Variants in DUSP16 observed in about 807,000 individuals in gnomAD.
DUSP16 encodes the protein dual specificity protein phosphatase 16.
In DUSP16, 21 loss-of-function variants were observed where a neutral mutation model predicts 58.3. The ratio of observed to expected loss-of-function variants is 0.36; its 90% confidence interval spans 0.26 to 0.52. The LOEUF (loss-of-function observed/expected upper bound fraction) is 0.52, where lower values mean the gene tolerates loss of function less well. DUSP16 is among the 20% of genes least tolerant of loss of function. The pLI, the probability that DUSP16 is intolerant of heterozygous loss-of-function variation, is 0.94. For missense variants in DUSP16, 726 were observed against 819.0 expected, an observed-to-expected ratio of 0.89 and a Z score of 1.39; for synonymous variants, 320 against 323.8, an observed-to-expected ratio of 0.99 and a Z score of 0.12.
chr12:12,498,079 G>A (rs1346013449), intron 4 of DUSP16, among the ~76,000 whole-genome samples: 1 of 152,150 alleles, frequency 6.6e-6, no homozygotes. Context: ...GAACTGTACT[G>A]TTAGGGAAGA....
chr12:12,552,363 T>C (rs923983496), intron 1 of DUSP16, among the ~76,000 whole-genome samples: 1 of 151,976 alleles, frequency 6.6e-6, no homozygotes, highest in Non-Finnish European at 1.5e-5. Context: ...GGAGAATCAC[T>C]TGAACCCGGG....
intron 1 of DUSP16, chr12:12,561,252 G>T (rs916246725): frequency 6.6e-6 from 1 of 152,190 alleles, no homozygotes; most frequent in African/African-American, 2.4e-5. Context: ...GGTTAGAGGT[G>T]TGCTTTCTCC....
intron 1 of DUSP16, among the ~76,000 whole-genome samples, chr12:12,541,500 G>C (rs76901717): frequency 1.3e-5 from 2 of 152,152 alleles, no homozygotes; most frequent in African/African-American, 4.8e-5. Flanking sequence ...TATCTTATTG[G>C]AAGGCCCAGT....
At chr12:12,541,542 T>C (rs540166208) in intron 1 of DUSP16, among the ~76,000 whole-genome samples, 2 of 152,034 alleles carry the variant, frequency 1.3e-5, no homozygotes, top group African/African-American at 4.8e-5. Context: ...TTCTCAGGAG[T>C]TGGTCAATCT....
intron 1 of DUSP16, among the ~76,000 whole-genome samples, chr12:12,525,731 T>TATACAC (rs1555167608): frequency 8.2e-5 from 12 of 146,080 alleles, no homozygotes; most frequent in Non-Finnish European, 1.5e-4. Context: ...AATATATGTA[T>TATACAC]ACACACACAC....
intron 1 of DUSP16, among the ~76,000 whole-genome samples, chr12:12,532,934 G>A (rs1481518177): frequency 2.1e-5 from 3 of 142,484 alleles, no homozygotes; most frequent in Non-Finnish European, 4.5e-5. Flanking sequence ...GGGGACGAGA[G>A]CGAAACTCTG....
chr12:12,533,982 T>C lies in DUSP16; in HGVS notation c.-365-12519A>G, dbSNP rs568496687. ...CTGACTTATCATTAAGCAGTCATAT[T>C]ATGGTGTGAGAGTTTATACCCTACA... On this transcript the variant is annotated intron_variant, in intron 1 of 6. Transcript: ENST00000298573. 3.3e-5 allele frequency among the ~76,000 whole-genome samples: 5 copies of C among 152,346 alleles called. No homozygotes were observed. In the South Asian group the frequency reaches 1.0e-3, roughly 32 times the overall value.
At chr12:12,555,365 T>C (rs1253193930) in intron 1 of DUSP16, among the ~76,000 whole-genome samples, 2 of 152,176 alleles carry the variant, frequency 1.3e-5, no homozygotes, top group African/African-American at 4.8e-5. Flanking sequence ...AAGCTAGAGA[T>C]ATAATGGAAC....
At chr12:12,495,865 T>TA (rs1211179757) in intron 4 of DUSP16, among the ~76,000 whole-genome samples, 2 of 152,252 alleles carry the variant, frequency 1.3e-5, no homozygotes, top group African/African-American at 2.4e-5. Flanking sequence ...CTGTATCTAC[T>TA]ACTCACCCTA....
In DUSP16 at chr12:12,473,304, A is replaced by C. The variant is rs551298620; in HGVS notation, c.*3529T>G. Among the ~76,000 whole-genome samples the C allele has an allele frequency of 2.6e-5, 4 of 152,154 alleles. No homozygotes were observed. The highest frequency in any genetic ancestry group is 3.9e-4 in the East Asian group (2 of 5,162). On this transcript the variant is annotated 3_prime_UTR_variant, in exon 7 of 7. Transcript: ENST00000298573. ...TTAGTTTAATTCCTGGTCTAATTGT[A>C]GTTGTCACATCCAAACCAGTCCTCC...
At position 12,473,826 on chromosome 12, in the gene DUSP16, C is replaced by G. The variant is rs1053986026; in HGVS notation, c.*3007G>C. 1.1e-4 allele frequency among the ~76,000 whole-genome samples: 16 copies of G among 152,208 alleles called. No individual in the cohort carries two copies. Among genetic ancestry groups the G allele is most frequent in the Non-Finnish European group, 1.8e-4 (12 of 68,028 alleles). On this transcript the variant is annotated 3_prime_UTR_variant, in exon 7 of 7. Coordinates refer to ENST00000298573, the MANE Select transcript of DUSP16 (RefSeq NM_030640.3). ...GGACAGCTCTTCAACAATTGCCCTT[C>G]CTGTTTTTCCTGTAGGAATCGTAAC...
chr12:12,489,269 A>C (rs1221290576), intron 4 of DUSP16, among the ~76,000 whole-genome samples: 1 of 152,212 alleles, frequency 6.6e-6, no homozygotes, highest in Non-Finnish European at 1.5e-5. Flanking sequence ...TTAGGTTAAC[A>C]ATCAGGCTAC....
At chr12:12,556,748 C>A (rs1367055091) in intron 1 of DUSP16, among the ~76,000 whole-genome samples, 1 of 152,172 alleles carries the variant, frequency 6.6e-6, no homozygotes, top group East Asian at 1.9e-4. Flanking sequence ...ACAAACCTGG[C>A]AGTCCAATAA....
chr12:12,532,645 G>A (rs574755253), intron 1 of DUSP16, among the ~76,000 whole-genome samples: 1 of 149,566 alleles, frequency 6.7e-6, no homozygotes, highest in African/African-American at 2.5e-5. Flanking sequence ...AGTTTGGGTG[G>A]GCAAAGGTTA....
chr12:12,551,692 T>C (rs929037281), intron 1 of DUSP16, among the ~76,000 whole-genome samples: 175 of 64,678 alleles, frequency 2.7e-3, no homozygotes, highest in African/African-American at 6.2e-3. Context: ...TTAGTAAACC[T>C]TTTTTTTTTT....
chr12:12,524,478 G>C lies in DUSP16; in HGVS notation c.-365-3015C>G, dbSNP rs546767395. ...CCTTAATCTCTTTCATTTACAGTTA[G>C]AGAATTTTGGTTAAATCTCCATCAC... On this transcript the variant is annotated intron_variant, in intron 1 of 6. Coordinates refer to ENST00000298573, the MANE Select transcript of DUSP16 (RefSeq NM_030640.3). Among the ~76,000 whole-genome samples, 8 of 152,348 alleles carry C rather than the reference G, an allele frequency of 5.3e-5. No homozygotes were observed. The East Asian group carries it at 1.5e-3, about 29-fold the overall frequency.
intron 1 of DUSP16, among the ~76,000 whole-genome samples, chr12:12,557,087 G>C (rs1214656125): frequency 6.6e-6 from 1 of 152,000 alleles, no homozygotes; most frequent in African/African-American, 2.4e-5. Context: ...TAATCTCATT[G>C]TAAAAAAACA....
At chr12:12,525,556 A>C (rs1435006777) in intron 1 of DUSP16, among the ~76,000 whole-genome samples, 2 of 151,932 alleles carry the variant, frequency 1.3e-5, no homozygotes, top group Non-Finnish European at 2.9e-5. Flanking sequence ...GAGCCACTGC[A>C]TCCGGCGAAA....
intron 1 of DUSP16, among the ~76,000 whole-genome samples, chr12:12,530,083 C>G (rs977801733): frequency 2.0e-5 from 3 of 152,044 alleles, no homozygotes; most frequent in Non-Finnish European, 4.4e-5. Flanking sequence ...TTTTGAGGAA[C>G]CTCCATAGTG....
Sources: allele counts gnomAD v4.1 joint callset (sites outside exome capture counted in the v4.1 genomes callset), GRCh38; gene constraint gnomAD v4.1.1; transcripts MANE v1.5; gene names NCBI Gene and HGNC (gene_info 2026-07-23, HGNC 2026-07-21).